Variants in PRKAR1B observed in about 807,000 individuals in gnomAD.
PRKAR1B encodes the protein cAMP-dependent protein kinase type I-beta regulatory subunit.
Under a neutral mutation model 46.5 loss-of-function variants are expected in PRKAR1B, and 22 were observed. The ratio of observed to expected loss-of-function variants is 0.47; its 90% CI spans 0.34 to 0.68. The LOEUF (loss-of-function observed/expected upper bound fraction) is 0.68, where lower values mean the gene tolerates loss of function less well. Among genes scored for constraint, PRKAR1B ranks in the 30% least tolerant of loss-of-function variants. The pLI is 0.01. For missense variants in PRKAR1B, 445 were observed against 535.6 expected, an observed-to-expected ratio of 0.83 and a Z score of 1.67; for synonymous variants, 259 against 217.7, an observed-to-expected ratio of 1.19 and a Z score of -1.67.
At position 561,112 on chromosome 7, in the gene PRKAR1B, A is replaced by C. The variant is rs559112266; in HGVS notation, c.892-9642T>G. Among the ~76,000 whole-genome samples the C allele has an allele frequency of 3.3e-5, 5 of 151,284 alleles. No homozygotes were observed. In the South Asian group the frequency reaches 1.0e-3, roughly 32 times the overall value. Reference sequence around the variant, plus strand: ...CTGGTACGTGCATACATGCACACACACCCCACACACAGGCACACAAACACA... The same window carrying C: ...CTGGTACGTGCATACATGCACACACCCCCCACACACAGGCACACAAACACA... On this transcript the variant is annotated intron_variant, in intron 9 of 10. Coordinates refer to ENST00000537384, the MANE Select transcript of PRKAR1B (RefSeq NM_001164760.2).
intron 4 of PRKAR1B, 76 bp downstream of exon 4, chr7:677,153 A>G: frequency 7.2e-7 from 1 of 1,397,098 alleles, no homozygotes; most frequent in Non-Finnish European, 1.0e-6. Context: ...TGCCCAGGCA[A>G]GTGGCGGGAC....
chr7:705,014 G>A (rs1382959687), intron 2 of PRKAR1B, among the ~76,000 whole-genome samples: 4 of 151,974 alleles, frequency 2.6e-5, no homozygotes, highest in South Asian at 2.1e-4. Flanking sequence ...CTTTAGGGCC[G>A]GGCGCAGTGG....
rs1781251070 is a variant in PRKAR1B at position 596,049 on chromosome 7, C to T, written c.708+97G>A. On this transcript the variant is annotated intron_variant, in intron 7 of 10. Coordinates refer to ENST00000537384, the MANE Select transcript of PRKAR1B (RefSeq NM_001164760.2). ...GTCAGGGAGGTTGGAAGTGTCTTTT[C>T]TCCAGGTGCATCCCCACCTTGAATA... 5 of 1,465,400 alleles carry T rather than the reference C, an allele frequency of 3.4e-6. No individual in the cohort carries two copies. In the Admixed American group the frequency reaches 8.2e-5, roughly 24 times the overall value. The allele number at this position is 1,465,400 out of a possible 1,614,324, so 90.8% of individuals were successfully genotyped here. A position where few individuals can be genotyped will look rare whatever the true frequency, so the allele number is the denominator to read the frequency against.
chr7:584,520 C>A lies in PRKAR1B; in HGVS notation c.757G>T (p.Val253Phe). The A allele has an allele frequency of 6.2e-7, 1 of 1,613,922 alleles. No homozygotes were observed. The highest frequency in any genetic ancestry group is 8.5e-7 in the Non-Finnish European group (1 of 1,179,994). ...RKMYEEFLSK[V>F]SILESLEKWE... ...CGCAGCCACTGACCTAGGATGGAGA[C>A]CTTGCTGAGGAACTCCTCGTACATC... Residue 253 changes from valine (V) to phenylalanine (F), a missense_variant, in exon 8 of 11, where the codon GTC (valine) becomes TTC (phenylalanine). By Grantham distance (50) the Val-to-Phe change is conservative. Transcript: ENST00000537384.
rs573772107 is a variant in PRKAR1B, at chr7:553,204, G to A, written c.892-1734C>T. Among the ~76,000 whole-genome samples the A allele has an allele frequency of 3.9e-5, 6 of 152,338 alleles. No homozygotes were observed. In the South Asian group the frequency reaches 8.3e-4, roughly 21 times the overall value. ...GGAATGTCCCGCTGACACTAGAGCC[G>A]CTGGGAAGACACACTAGAGAAGCTT... On this transcript the variant is annotated intron_variant, in intron 9 of 10. Transcript: ENST00000537384.
intron 2 of PRKAR1B, among the ~76,000 whole-genome samples, chr7:710,644 T>C (rs868442852): frequency 1.1e-4 from 15 of 130,934 alleles, no homozygotes; most frequent in Admixed American, 2.3e-4. Context: ...TTCTTTTTCC[T>C]TTTTTTTTTT....
intron 4 of PRKAR1B, among the ~76,000 whole-genome samples, chr7:643,629 G>GGA (rs1314673522): frequency 1.3e-5 from 2 of 151,348 alleles, no homozygotes; most frequent in African/African-American, 4.9e-5. Context: ...GGCTGAGGCA[G>GGA]GAGAATCACT....
chr7:685,144 G>A (rs1485954877), intron 2 of PRKAR1B, among the ~76,000 whole-genome samples: 2 of 148,958 alleles, frequency 1.3e-5, no homozygotes, highest in Non-Finnish European at 3.0e-5. Flanking sequence ...ACAGTAGGAA[G>A]ATACAACATG....
rs1784127050 is a variant in PRKAR1B, at chr7:550,670, G to A, written c.974-68C>T. ...TGAGGCTGCAGCAGGGAAAGATTAT[G>A]TCCAGGACCCTGGAAGCGGCTCCCT... On this transcript the variant is annotated intron_variant, in intron 10 of 10. Coordinates refer to ENST00000537384, the MANE Select transcript of PRKAR1B (RefSeq NM_001164760.2). The A allele has an allele frequency of 3.7e-6, 5 of 1,357,048 alleles. No homozygotes were observed. The South Asian group carries it at 7.5e-5, about 20-fold the overall frequency. 84.1% of individuals were successfully genotyped at this position (1,357,048 alleles called of 1,614,324 possible).
intron 2 of PRKAR1B, among the ~76,000 whole-genome samples, chr7:688,724 C>T (rs1779241105): frequency 6.6e-6 from 1 of 152,184 alleles, no homozygotes; most frequent in South Asian, 2.1e-4. Flanking sequence ...GCCTCTCCTC[C>T]CCCTCCAGAG....
chr7:689,289 T>C (rs533120871), intron 2 of PRKAR1B, among the ~76,000 whole-genome samples: 1 of 151,444 alleles, frequency 6.6e-6, no homozygotes, highest in Non-Finnish European at 1.5e-5. Flanking sequence ...ACCCGGCTAA[T>C]TTTTTGTATT....
intron 9 of PRKAR1B, 70 bp from the exon 10 acceptor site, chr7:551,540 A>G: frequency 1.4e-6 from 2 of 1,461,274 alleles, no homozygotes; most frequent in South Asian, 2.4e-5. Flanking sequence ...GTGAGGGGTC[A>G]CCCCACAGGG....
intron 4 of PRKAR1B, among the ~76,000 whole-genome samples, chr7:630,146 C>A (rs554328328): frequency 6.6e-6 from 1 of 152,352 alleles, no homozygotes; most frequent in East Asian, 1.9e-4. Context: ...GGAAGTGGAG[C>A]GCAGTGGAAG....
At chr7:559,385 AG>A (rs1392625105) in intron 9 of PRKAR1B, among the ~76,000 whole-genome samples, 5 of 152,194 alleles carry the variant, frequency 3.3e-5, no homozygotes, top group African/African-American at 4.8e-5. Flanking sequence ...AGGCTGGAGC[AG>A]GGGGCAGGGC....
intron 2 of PRKAR1B, among the ~76,000 whole-genome samples, chr7:685,667 C>G (rs1779057063): frequency 6.6e-6 from 1 of 151,510 alleles, no homozygotes; most frequent in South Asian, 2.1e-4. Flanking sequence ...AAGAATGGCT[C>G]AAACTTCTCA....
chr7:709,699 G>A (rs952103816), intron 2 of PRKAR1B, among the ~76,000 whole-genome samples: 2 of 151,004 alleles, frequency 1.3e-5, no homozygotes, highest in African/African-American at 2.4e-5. Flanking sequence ...ACAGGGTTTC[G>A]CTCTGTTGCC....
chr7:698,162 C>T (rs1271072151), intron 2 of PRKAR1B, among the ~76,000 whole-genome samples: 1 of 151,656 alleles, frequency 6.6e-6, no homozygotes, highest in Admixed American at 6.6e-5. Flanking sequence ...CCCAGCACTT[C>T]GGGAGGCCAA....
chr7:675,615 A>G (rs1786536471), intron 4 of PRKAR1B, among the ~76,000 whole-genome samples: 2 of 152,338 alleles, frequency 1.3e-5, no homozygotes, highest in South Asian at 2.1e-4. Context: ...CAAGTACTCC[A>G]AGATGAAAAC....
Position 666,067 on chromosome 7 carries a change from C to T in PRKAR1B, c.440+11162G>A, listed in dbSNP as rs562195607. 1.3e-3 allele frequency among the ~76,000 whole-genome samples: 204 copies of T among 152,312 alleles called. No individual in the cohort carries two copies. Among genetic ancestry groups the T allele is most frequent in the Non-Finnish European group, 1.8e-3 (121 of 68,030 alleles). Reference sequence around the variant, plus strand: ...AATGAGGTCCCCGCCGGAGGCCCAACGCACAACACAAACACGCACGGTGCC... The same window carrying T: ...AATGAGGTCCCCGCCGGAGGCCCAATGCACAACACAAACACGCACGGTGCC... On this transcript the variant is annotated intron_variant, in intron 4 of 10. Coordinates refer to ENST00000537384, the MANE Select transcript of PRKAR1B (RefSeq NM_001164760.2). The surrounding 1 kb of genome is among the most constrained non-coding windows in gnomAD (Gnocchi z 4.9).
Sources: allele counts gnomAD v4.1 joint callset (sites outside exome capture counted in the v4.1 genomes callset), GRCh38; gene constraint gnomAD v4.1.1; non-coding constraint Gnocchi (gnomAD v3.1); transcripts MANE v1.5; gene names NCBI Gene and HGNC (gene_info 2026-07-23, HGNC 2026-07-21).